The following RAB4B variants were observed in gnomAD, a reference collection of about 807,000 sequenced individuals.
RAB4B encodes the protein RAB4B, member RAS oncogene family, also known as ras-related protein Rab-4B.
A neutral mutation model predicts 28.3 loss-of-function variants in RAB4B; 15 were observed. That is an observed-to-expected ratio of 0.53 (90% CI 0.35 to 0.82). RAB4B has a LOEUF of 0.82. RAB4B is among the 40% of genes least tolerant of loss of function. The pLI is 0.01. For missense variants in RAB4B, 244 were observed against 288.5 expected (o/e 0.85, Z 1.12); for synonymous variants, 108 against 116.3 (o/e 0.93, Z 0.46).
intron 5 of RAB4B, among the ~76,000 whole-genome samples, chr19:40,785,368 G>T (rs2083088963): frequency 6.9e-6 from 1 of 145,884 alleles, no homozygotes; most frequent in Non-Finnish European, 1.5e-5. Context: ...AAAAAAGCCT[G>T]GGTGTGGTGG....
intron 1 of RAB4B, chr19:40,779,040 G>A: frequency 1.0e-6 from 1 of 977,574 alleles, no homozygotes; most frequent in Non-Finnish European, 1.2e-6. Context: ...AGGGAGAAGA[G>A]TGCAAAGACC....
intron 7 of RAB4B, among the ~76,000 whole-genome samples, chr19:40,793,903 G>A (rs1171167868): frequency 2.0e-5 from 3 of 151,434 alleles, no homozygotes; most frequent in African/African-American, 2.4e-5. Context: ...CAGCCTGGGC[G>A]ACAGAGCTAG....
At chr19:40,791,130 C>G (rs2145060567) in intron 7 of RAB4B, among the ~76,000 whole-genome samples, 1 of 152,288 alleles carries the variant, frequency 6.6e-6, no homozygotes, top group East Asian at 1.9e-4. Flanking sequence ...GCTGGGATGA[C>G]AGGCGTGAGA....
chr19:40,788,371 C>T lies in RAB4B; in HGVS notation c.*15+1393C>T, dbSNP rs557046849. On this transcript the variant is annotated intron_variant, in intron 7 of 7. Coordinates refer to ENST00000357052, the MANE Select transcript of RAB4B (RefSeq NM_016154.5). ...TGGTGGTGTGCACCTGGAGTCCCAG[C>T]TACTTGGGAGGCTGAGGTGGGAGGA... 5.6e-4 allele frequency among the ~76,000 whole-genome samples: 84 copies of T among 150,840 alleles called. 2 individuals are homozygous for T. The highest frequency in any genetic ancestry group is 5.4e-3 in the Admixed American group (81 of 15,044).
chr19:40,791,720 G>A (rs1433261502), intron 7 of RAB4B, among the ~76,000 whole-genome samples: 1 of 151,848 alleles, frequency 6.6e-6, no homozygotes, highest in Non-Finnish European at 1.5e-5. Context: ...CGCAACCTCC[G>A]CTTCCAGGTT....
At chr19:40,783,886 C>A in intron 4 of RAB4B, 35 bp from the exon 5 acceptor site, 1 of 1,587,328 alleles carries the variant, frequency 6.3e-7, no homozygotes, top group South Asian at 1.1e-5. Context: ...GGTTCCTCTC[C>A]TGCACTGCCT....
intron 7 of RAB4B, among the ~76,000 whole-genome samples, chr19:40,791,002 C>T (rs1441085673): frequency 2.0e-5 from 3 of 151,808 alleles, no homozygotes; most frequent in East Asian, 3.9e-4. Context: ...ACTACAGGTG[C>T]GTGCCACCAC....
intron 2 of RAB4B, 95 bp downstream of exon 2, chr19:40,780,194 T>C (rs899967881): frequency 3.0e-5 from 46 of 1,551,610 alleles, no homozygotes; most frequent in Non-Finnish European, 3.9e-5. Flanking sequence ...GGGCTGGCCA[T>C]AGGTACAAGT....
intron 7 of RAB4B, among the ~76,000 whole-genome samples, chr19:40,794,242 T>C (rs2083187455): frequency 1.3e-5 from 2 of 151,944 alleles, no homozygotes; most frequent in Non-Finnish European, 2.9e-5. Flanking sequence ...GCCCAGCTAA[T>C]TTCTTTGTAT....
chr19:40,791,104 C>T (rs1046693262), intron 7 of RAB4B, among the ~76,000 whole-genome samples: 1 of 152,126 alleles, frequency 6.6e-6, no homozygotes, highest in African/African-American at 2.4e-5. Context: ...ATCCACCTGC[C>T]TCGGCCTCCC....
Position 40,792,358 on chromosome 19 carries a change from T to G in RAB4B, c.*16-4212T>G, listed in dbSNP as rs886717204. On this transcript the variant is annotated intron_variant, in intron 7 of 7. Transcript: ENST00000357052. ...CAGAATGGGGCCTGATGGTCAAGAC[T>G]TGATCGATGAGGGCTGTTTTTAAAG... The G allele has an allele frequency of 4.6e-5, 7 of 152,266 alleles. No individual in the cohort carries two copies. The East Asian group carries it at 9.6e-4, about 21-fold the overall frequency. The allele number at this position is 152,266 out of a possible 1,614,324, so 9.4% of individuals were successfully genotyped here. A position where few individuals can be genotyped will look rare whatever the true frequency, so the allele number is the denominator to read the frequency against.
intron 7 of RAB4B, chr19:40,794,762 T>G (rs1229539497): frequency 6.9e-6 from 1 of 144,294 alleles, no homozygotes. Flanking sequence ...TAAATAGAGA[T>G]GAGGTCTCAC....
chr19:40,792,610 C>G (rs1429465404), intron 7 of RAB4B: 1 of 152,196 alleles, frequency 6.6e-6, no homozygotes, highest in African/African-American at 2.4e-5. Context: ...ATATAAAACT[C>G]AAACACACAT....
At chr19:40,789,557 G>A (rs1400896384) in intron 7 of RAB4B, among the ~76,000 whole-genome samples, 1 of 138,194 alleles carries the variant, frequency 7.2e-6, no homozygotes, top group Non-Finnish European at 1.5e-5. Flanking sequence ...ATGCTAGAGT[G>A]CAGTGGCACG....
chr19:40,791,025 T>A (rs1234454397), intron 7 of RAB4B, among the ~76,000 whole-genome samples: 1 of 151,752 alleles, frequency 6.6e-6, no homozygotes, highest in African/African-American at 2.4e-5. Context: ...CTGGCTAATT[T>A]TCTGTATTTT....
chr19:40,791,381 A>G (rs567687643), intron 7 of RAB4B, among the ~76,000 whole-genome samples: 3 of 152,110 alleles, frequency 2.0e-5, no homozygotes, highest in African/African-American at 7.2e-5. Context: ...CATGCATCTC[A>G]GGGCCCCAGG....
At chr19:40,791,041 G>T (rs1568495179) in intron 7 of RAB4B, among the ~76,000 whole-genome samples, 2 of 151,818 alleles carry the variant, frequency 1.3e-5, no homozygotes, top group Non-Finnish European at 2.9e-5. Context: ...ATTTTTAGTA[G>T]AGATGGGGTT....
At chr19:40,782,226 G>A (rs1029432147) in intron 3 of RAB4B, among the ~76,000 whole-genome samples, 1 of 152,110 alleles carries the variant, frequency 6.6e-6, no homozygotes, top group Non-Finnish European at 1.5e-5. Flanking sequence ...GTGTAGCATG[G>A]GCTAGGTTTA....
At chr19:40,790,772 C>T (rs980273813) in intron 7 of RAB4B, among the ~76,000 whole-genome samples, 1 of 151,622 alleles carries the variant, frequency 6.6e-6, no homozygotes, top group African/African-American at 2.4e-5. Flanking sequence ...ACCTCCGCCT[C>T]CCGGGTTCAA....
Sources: gnomAD v4.1 joint callset for allele counts (sites outside exome capture counted in the v4.1 genomes callset) on GRCh38, gnomAD v4.1.1 for gene constraint, MANE v1.5 for transcripts, NCBI Gene and HGNC (gene_info 2026-07-23, HGNC 2026-07-21) for gene names.